Variants in ABCA5 observed in about 807,000 individuals in gnomAD.
ABCA5 encodes the protein ATP binding cassette subfamily A member 5, also known as cholesterol transporter ABCA5.
ABCA5 carries 163 observed loss-of-function variants against 206.0 expected under a neutral mutation model. The observed-to-expected ratio is 0.79, with a 90% CI of 0.70 to 0.90. The LOEUF is 0.90. Among genes scored for constraint, ABCA5 ranks in the 40% least tolerant of loss-of-function variants. The probability of loss-of-function intolerance (pLI) is 0.00; values close to 1 mark genes in which losing one functional copy is unlikely to be tolerated. For missense variants in ABCA5, 1,859 were observed against 1,912.9 expected (o/e 0.97, Z 0.53); for synonymous variants, 609 against 613.8 (o/e 0.99, Z 0.11).
At position 69,264,693 on chromosome 17, in the gene ABCA5, T is replaced by A. The variant is rs142846864; in HGVS notation, c.3315+42A>T. 2.9e-4 allele frequency: 380 copies of A among 1,298,466 alleles called. 4 individuals carry two copies. In the African/African-American group the frequency reaches 4.1e-3, roughly 14 times the overall value. 80.4% of individuals were successfully genotyped at this position (1,298,466 alleles called of 1,614,324 possible). ...TGTTTATAACAGATTTTAAATAACA[T>A]TCTATCTATAAATAGCATGAGTACA... is the stretch of plus-strand genomic sequence containing the variant. On this transcript the variant is annotated intron_variant, in intron 24 of 38. Transcript: ENST00000392676.
chr17:69,257,958 G>C (rs921166187), intron 28 of ABCA5, among the ~76,000 whole-genome samples: 1 of 152,040 alleles, frequency 6.6e-6, no homozygotes, highest in Admixed American at 6.6e-5. Context: ...TTATAATTAA[G>C]TGCTTCTATT....
Position 69,318,726 on chromosome 17 carries a change from A to T in ABCA5, c.-15-4296T>A, listed in dbSNP as rs1036971155. 9.8e-6 allele frequency: 6 copies of T among 611,918 alleles called. No individual in the cohort carries two copies. The African/African-American group carries it at 1.1e-4, about 11-fold the overall frequency. 37.9% of individuals were successfully genotyped at this position (611,918 alleles called of 1,614,324 possible). A position where few individuals can be genotyped will look rare whatever the true frequency, so the allele number is the denominator to read the frequency against. The stretch of plus-strand genomic sequence containing the variant: ...CAAGGCATCTGTGAACCTGTGGAGT[A>T]GACACCATGAGCAAAGCTTACACTC... On this transcript the variant is annotated intron_variant, in intron 1 of 38. Coordinates refer to ENST00000392676, the MANE Select transcript of ABCA5 (RefSeq NM_172232.4).
chr17:69,271,018 A>G, intron 21 of ABCA5, 144 bp downstream of exon 21: 1 of 1,077,850 alleles, frequency 9.3e-7, no homozygotes, highest in Non-Finnish European at 1.3e-6. Context: ...GAAATATATC[A>G]TAAATAAAGA....
intron 11 of ABCA5, among the ~76,000 whole-genome samples, chr17:69,292,510 C>A (rs1215959025): frequency 1.3e-5 from 2 of 152,084 alleles, no homozygotes; most frequent in Non-Finnish European, 2.9e-5. Flanking sequence ...TTTTGTCAAT[C>A]TAAAAGATTT....
At chr17:69,302,308 C>T (rs2075660512) in intron 8 of ABCA5, among the ~76,000 whole-genome samples, 1 of 152,184 alleles carries the variant, frequency 6.6e-6, no homozygotes, top group Admixed American at 6.5e-5. Context: ...ACTTATTCCA[C>T]CACTACACTC....
Position 69,304,812 on chromosome 17 carries a change from T to C in ABCA5, c.789-2A>G, listed in dbSNP as rs1182819486. On this transcript the variant is annotated splice_acceptor_variant, in intron 6 of 38. Coordinates refer to ENST00000392676, the MANE Select transcript of ABCA5 (RefSeq NM_172232.4). LOFTEE classifies it high-confidence loss of function. The stretch of plus-strand genomic sequence containing the variant: ...GTATATAGAAGAACCCAGGAAAGCC[T>C]AAAATGAGAATACAGATATAGTTAT... The C allele has an allele frequency of 6.3e-7, 1 of 1,585,670 alleles. No homozygotes were observed. Among genetic ancestry groups the C allele is most frequent in the Non-Finnish European group, 8.6e-7 (1 of 1,168,668 alleles).
At position 69,266,562 on chromosome 17, in the gene ABCA5, TATA is replaced by T. The variant is rs2075210453; in HGVS notation, c.3144+1378_3144+1380del. ...TGCACATGTACCCTAAAACTTAAAG[TATA>T]ATAAAAATATATATATATATAAATA... On this transcript the variant is annotated intron_variant, in intron 23 of 38. Coordinates refer to ENST00000392676, the MANE Select transcript of ABCA5 (RefSeq NM_172232.4). Among the ~76,000 whole-genome samples, 3 of 144,818 alleles carry T rather than the reference TATA, an allele frequency of 2.1e-5. No homozygotes were observed. The East Asian group carries it at 5.9e-4, about 28-fold the overall frequency.
chr17:69,283,077 C>T (rs964815966), intron 18 of ABCA5, among the ~76,000 whole-genome samples: 2 of 150,420 alleles, frequency 1.3e-5, no homozygotes, highest in Admixed American at 6.7e-5. Flanking sequence ...GCCTTGACCT[C>T]CTGGCCTCAG....
intron 15 of ABCA5, 104 bp downstream of exon 15, chr17:69,287,509 C>A: frequency 7.2e-7 from 1 of 1,380,516 alleles, no homozygotes; most frequent in Non-Finnish European, 9.6e-7. Flanking sequence ...AAACATACCA[C>A]TAGGTAAAAG....
Position 69,291,250 on chromosome 17 carries a change from C to A in ABCA5, c.1572G>T (p.Met524Ile). Reference protein sequence around the residue: ...GHSGTGKSTLMNILCGLCPPS... With the variant: ...GHSGTGKSTLINILCGLCPPS... The stretch of plus-strand genomic sequence containing the variant: ...GTGGGCAGAGTCCACAAAGAATATT[C>A]ATCAATGTACTCTTTCCTGTTCCAC... The change falls in exon 12 of 39, where the codon ATG (methionine) becomes ATT (isoleucine). Residue 524 changes from methionine to isoleucine, a missense_variant. Met to Ile is a conservative substitution (Grantham distance 10, BLOSUM62 1). Transcript: ENST00000392676. 1 of 1,607,996 alleles carries A rather than the reference C, an allele frequency of 6.2e-7. No individual in the cohort carries two copies. The highest frequency in any genetic ancestry group is 8.5e-7 in the Non-Finnish European group (1 of 1,176,486).
chr17:69,291,316 AAAT>A lies in ABCA5; in HGVS notation c.1503_1505del (p.Phe502del). On this transcript the variant is annotated inframe_deletion, in exon 12 of 39. Transcript: ENST00000392676. ...CAGTAATCTGACCCTCATATATGTC[AAAT>A]GACAAATCTAGTTCAGGAAAAAAGA... 1 of 1,599,068 alleles carries A rather than the reference AAAT, an allele frequency of 6.3e-7. No homozygotes were observed. The highest frequency in any genetic ancestry group is 8.6e-7 in the Non-Finnish European group (1 of 1,168,058).
intron 9 of ABCA5, among the ~76,000 whole-genome samples, chr17:69,297,867 G>C (rs1356439607): frequency 1.3e-5 from 2 of 152,038 alleles, no homozygotes; most frequent in Non-Finnish European, 2.9e-5. Flanking sequence ...AAAACAACAG[G>C]ATAGAAATAT....
rs1479245322 is a variant in ABCA5 at position 69,314,355 on chromosome 17, T to A, written c.61A>T (p.Asn21Tyr). 6.2e-7 allele frequency: 1 copy of A among 1,613,822 alleles called. No individual in the cohort carries two copies. Among genetic ancestry groups the A allele is most frequent in the Non-Finnish European group, 8.5e-7 (1 of 1,179,774 alleles). ...TTGGTTCTGCATTTAATTAAGTAAT[T>A]CTTCAGTAGAAGTGTTCTGGTCTGT... is the stretch of plus-strand genomic sequence containing the variant. ...WRQTRTLLLK[N>Y]YLIKCRTKKS... The change falls in exon 2 of 39, where the codon AAT becomes TAT. Residue 21 changes from asparagine (N) to tyrosine (Y), a missense_variant. Physicochemically the swap from Asn to Tyr is moderately radical, Grantham distance 143. Transcript: ENST00000392676.
intron 11 of ABCA5, among the ~76,000 whole-genome samples, chr17:69,292,470 C>T (rs2075539568): frequency 6.6e-6 from 1 of 152,100 alleles, no homozygotes; most frequent in African/African-American, 2.4e-5. Flanking sequence ...TATCATCTTG[C>T]AAAACTCACT....
chr17:69,303,637 C>T (rs1304572443), intron 7 of ABCA5, among the ~76,000 whole-genome samples: 1 of 138,366 alleles, frequency 7.2e-6, no homozygotes, highest in Middle Eastern at 3.8e-3. Context: ...AAAAAAAAAA[C>T]CAGAAGGCCT....
chr17:69,279,366 C>T (rs2075366326), intron 18 of ABCA5, among the ~76,000 whole-genome samples: 1 of 152,112 alleles, frequency 6.6e-6, no homozygotes, highest in Non-Finnish European at 1.5e-5. Context: ...CAAACTGCTG[C>T]TCAAGGAAAT....
intron 8 of ABCA5, among the ~76,000 whole-genome samples, chr17:69,302,510 A>AT (rs2145012628): frequency 6.6e-6 from 1 of 152,364 alleles, no homozygotes; most frequent in South Asian, 2.1e-4. Context: ...TAAAAAATTT[A>AT]TAAACAGAAC....
At chr17:69,315,505 C>G (rs1317864793) in intron 1 of ABCA5, 1 of 152,302 alleles carries the variant, frequency 6.6e-6, no homozygotes, top group Non-Finnish European at 1.5e-5. Flanking sequence ...AAATAGCTGA[C>G]CGGGTGCGGT....
chr17:69,306,958 T>C lies in ABCA5; in HGVS notation c.559-4A>G. 2 of 1,522,166 alleles carry C rather than the reference T, an allele frequency of 1.3e-6. No homozygotes were observed. Among genetic ancestry groups the C allele is most frequent in the Non-Finnish European group, 1.8e-6 (2 of 1,136,078 alleles). The allele number at this position is 1,522,166 out of a possible 1,614,324, so 94.3% of individuals were successfully genotyped here. ...AAAGAGAAACATTGGTCTTCAACTA[T>C]AATTAGAAAATGTAAATACATCAAA... On this transcript the variant is annotated splice_region_variant and splice_polypyrimidine_tract_variant and intron_variant, in intron 5 of 38. Transcript: ENST00000392676.
Sources: gnomAD v4.1 joint callset for allele counts (sites outside exome capture counted in the v4.1 genomes callset) on GRCh38, gnomAD v4.1.1 for gene constraint, MANE v1.5 for transcripts, NCBI Gene and HGNC (gene_info 2026-07-23, HGNC 2026-07-21) for gene names.